The following METTL1 variants were observed in gnomAD, a reference collection of about 807,000 sequenced individuals.
METTL1 encodes tRNA (guanine-N(7)-)-methyltransferase.
In METTL1, 14 loss-of-function variants were observed where a neutral mutation model predicts 27.7. The ratio of observed to expected loss-of-function variants is 0.51; its 90% CI spans 0.33 to 0.79. The LOEUF is 0.79. METTL1 is among the 30% of genes least tolerant of loss of function. METTL1 has a pLI of 0.02. For synonymous variants in METTL1, 138 were observed against 137.0 expected (o/e 1.01, Z -0.05); for missense variants, 333 against 359.6 (o/e 0.93, Z 0.60).
Position 57,769,703 on chromosome 12 carries a change from G to A in METTL1, c.460-25C>T, listed in dbSNP as rs774201764. The A allele has an allele frequency of 3.1e-6, 5 of 1,601,748 alleles. No individual in the cohort carries two copies. The South Asian group carries it at 4.5e-5, about 14-fold the overall frequency. ...GCTGTGAGACAGACACACACCAACA[G>A]GGTTGTGAGAGCCTGGCCTCCATGC... On this transcript the variant is annotated intron_variant, in intron 3 of 5. Transcript: ENST00000324871.
In METTL1 at chr12:57,771,956, C is replaced by T. The variant is rs1393504770; in HGVS notation, c.110+18G>A. 2.0e-6 allele frequency: 3 copies of T among 1,500,768 alleles called. No individual in the cohort carries two copies. Among genetic ancestry groups the T allele is most frequent in the Non-Finnish European group, 2.7e-6 (3 of 1,130,422 alleles). 93.0% of individuals were successfully genotyped at this position (1,500,768 alleles called of 1,614,324 possible). A position where few individuals can be genotyped will look rare whatever the true frequency, so the allele number is the denominator to read the frequency against. ...TGAGAATCCCGCCCTCCTCTCTCTC[C>T]CTCTGCCCACTCCTCACTAGCGCAG... On this transcript the variant is annotated intron_variant, in intron 1 of 5. Coordinates refer to ENST00000324871, the MANE Select transcript of METTL1 (RefSeq NM_005371.6).
chr12:57,771,016 T>G (rs1277775959), intron 2 of METTL1, 78 bp downstream of exon 2: 5 of 1,512,322 alleles, frequency 3.3e-6, no homozygotes, highest in Non-Finnish European at 4.5e-6. Flanking sequence ...AGGCCAATTA[T>G]GACCCCCCAC....
Position 57,771,097 on chromosome 12 carries a change from A to C in METTL1, c.271T>G (p.Leu91Val). 1 of 1,613,258 alleles carries C rather than the reference A, an allele frequency of 6.2e-7. No individual in the cohort carries two copies. Among genetic ancestry groups the C allele is most frequent in the Non-Finnish European group, 8.5e-7 (1 of 1,179,868 alleles). ...ADIGCGYGGLLVELSPLFPDT... is the reference protein window; with the variant it reads ...ADIGCGYGGLVVELSPLFPDT... ...AAAAAGAGGGCCTGAGTGTTACCTA[A>C]CAGGCCACCATAGCCACAGCCTATG... Residue 91 changes from leucine to valine, a missense_variant, in exon 2 of 6, where the codon TTA becomes GTA. Coordinates refer to ENST00000324871, the MANE Select transcript of METTL1 (RefSeq NM_005371.6).
In METTL1 at chr12:57,769,498, A is replaced by G. The variant is rs1955401421; in HGVS notation, c.573+67T>C. 7.0e-6 allele frequency: 11 copies of G among 1,575,396 alleles called. No individual in the cohort carries two copies. The Admixed American group carries it at 1.9e-4, about 27-fold the overall frequency. ...GGTGTGAGTCCCTAAATGCACCCCC[A>G]CTGAATTCTTAGTGAAGGGCCCCTG... On this transcript the variant is annotated intron_variant, in intron 4 of 5. Transcript: ENST00000324871.
intron 1 of METTL1, 155 bp from the exon 2 acceptor site, chr12:57,771,412 G>T (rs1955429563): frequency 7.5e-6 from 11 of 1,459,300 alleles, no homozygotes; most frequent in Non-Finnish European, 9.9e-6. Flanking sequence ...CTCTAAGAGG[G>T]ACAATGGAAA....
chr12:57,771,020 C>T, intron 2 of METTL1, 74 bp downstream of exon 2: 1 of 1,525,478 alleles, frequency 6.6e-7, no homozygotes, highest in Non-Finnish European at 8.9e-7. Flanking sequence ...CAATTATGAC[C>T]CCCCACAAAA....
At chr12:57,770,090 T>A in intron 2 of METTL1, 134 bp from the exon 3 acceptor site, 3 of 881,036 alleles carry the variant, frequency 3.4e-6, no homozygotes, top group Non-Finnish European at 5.1e-6. Context: ...GATACATATA[T>A]GGATAGTTTT....
chr12:57,771,348 G>GGGGGGA, intron 1 of METTL1, 91 bp from the exon 2 acceptor site: 4 of 670,834 alleles, frequency 6.0e-6, no homozygotes, highest in Non-Finnish European at 9.9e-6. Context: ...GTGAGGGTGG[G>GGGGGGA]AGGTAAAAGG....
intron 1 of METTL1, 109 bp from the exon 2 acceptor site, chr12:57,771,366 G>T (rs1955428871): frequency 2.0e-6 from 3 of 1,485,438 alleles, no homozygotes; most frequent in Non-Finnish European, 1.8e-6. Flanking sequence ...AGGGAGGAGG[G>T]TTTCTCAAAA....
chr12:57,770,495 G>A (rs1275866626), intron 2 of METTL1, among the ~76,000 whole-genome samples: 1 of 152,188 alleles, frequency 6.6e-6, no homozygotes, highest in Admixed American at 6.5e-5. Context: ...GCCTCCCAAA[G>A]TGTTGGGATT....
At chr12:57,770,958 G>A in intron 2 of METTL1, 136 bp downstream of exon 2, 2 of 915,316 alleles carry the variant, frequency 2.2e-6, no homozygotes, top group South Asian at 1.7e-5. Context: ...TAGAGGGTAG[G>A]TGGAGCCTCT....
chr12:57,771,988 G>A lies in METTL1; in HGVS notation c.96C>T (p.Asp32=). 6.6e-7 allele frequency: 1 copy of A among 1,526,506 alleles called. No homozygotes were observed. The highest frequency in any genetic ancestry group is 8.7e-7 in the Non-Finnish European group (1 of 1,144,282). 94.6% of individuals were successfully genotyped at this position (1,526,506 alleles called of 1,614,324 possible). Residue 32 remains aspartate, a synonymous_variant, in exon 1 of 6, where the codon GAC becomes GAT. Transcript: ENST00000324871. ...CCACTCCTCACTAGCGCAGCGTGTG[G>A]TCCGCCATGGGGTTGGAGTGAGCAC... is the stretch of plus-strand genomic sequence containing the variant. The part of the protein sequence containing the change: ...RQRAHSNPMA[D]HTLRYPVKPE...
chr12:57,771,338 GTGA>G, intron 1 of METTL1, 81 bp from the exon 2 acceptor site: 2 of 1,235,102 alleles, frequency 1.6e-6, no homozygotes, highest in Non-Finnish European at 2.3e-6. Flanking sequence ...GTGTGGGTGG[GTGA>G]GGGTGGGAGG....
Position 57,771,084 on chromosome 12 carries a change from T to C in METTL1, c.274+10A>G, listed in dbSNP as rs1595124001. On this transcript the variant is annotated intron_variant, in intron 2 of 5. Transcript: ENST00000324871. ...CTCTTCTCACCCCAAAAAGAGGGCC[T>C]GAGTGTTACCTAACAGGCCACCATA... The C allele has an allele frequency of 6.2e-7, 1 of 1,612,046 alleles. No homozygotes were observed. The highest frequency in any genetic ancestry group is 2.2e-5 in the East Asian group (1 of 44,882).
rs368561501 is a variant in METTL1, at chr12:57,769,381, A to G, written c.597T>C (p.Asp199=). 3.7e-6 allele frequency: 6 copies of G among 1,614,038 alleles called. No homozygotes were observed. Among genetic ancestry groups the G allele is most frequent in the Non-Finnish European group, 5.1e-6 (6 of 1,180,036 alleles). The change falls in exon 5 of 6, where the codon GAT becomes GAC. Residue 199 remains aspartate (D), a synonymous_variant. Coordinates refer to ENST00000324871, the MANE Select transcript of METTL1 (RefSeq NM_005371.6). The stretch of plus-strand genomic sequence containing the variant: ...ACATCCAGTCGTGTAGCTCCAGCAC[A>G]TCGGTTATGGTATACACCAGCCCCT... ...RVGGLVYTIT[D]VLELHDWMCT... is the part of the protein sequence containing the mutation.
intron 1 of METTL1, chr12:57,771,474 G>A (rs1955430322): frequency 6.7e-7 from 1 of 1,498,784 alleles, no homozygotes; most frequent in African/African-American, 1.4e-5. Context: ...GCCCATAAAC[G>A]CTGACCTGCC....
At position 57,768,989 on chromosome 12, in the gene METTL1, T is replaced by C. The variant is rs1184056707; in HGVS notation, c.*7A>G. On this transcript the variant is annotated 3_prime_UTR_variant, in exon 6 of 6. Coordinates refer to ENST00000324871, the MANE Select transcript of METTL1 (RefSeq NM_005371.6). ...GAGACGAGGTCCAGCTAAGGTAGAG[T>C]AAGCAGTCAGTGACCAGGCAGGCTG... 4 of 1,594,846 alleles carry C rather than the reference T, an allele frequency of 2.5e-6. No individual in the cohort carries two copies. Among genetic ancestry groups the C allele is most frequent in the Non-Finnish European group, 2.6e-6 (3 of 1,165,428 alleles).
At position 57,769,646 on chromosome 12, in the gene METTL1, T is replaced by C. The variant is rs1028358392; in HGVS notation, c.492A>G (p.Pro164=). 2 of 1,559,704 alleles carry C rather than the reference T, an allele frequency of 1.3e-6. No homozygotes were observed. The highest frequency in any genetic ancestry group is 2.7e-5 in the African/African-American group (2 of 73,700). The change falls in exon 4 of 6, where the codon CCA becomes CCG. Residue 164 remains proline (P), a synonymous_variant. Coordinates refer to ENST00000324871, the MANE Select transcript of METTL1 (RefSeq NM_005371.6). ...LTKMFFLFPD[P]HFKRTKHKWR... The stretch of plus-strand genomic sequence containing the variant: ...ACTTGTGCTTTGTCCGCTTGAAATG[T>C]GGGTCGGGGAAGAGGAAGAACATCT...
intron 2 of METTL1, 131 bp downstream of exon 2, chr12:57,770,963 G>A (rs939745936): frequency 6.3e-6 from 6 of 948,548 alleles, no homozygotes; most frequent in Non-Finnish European, 7.8e-6. Flanking sequence ...GGTAGGTGGA[G>A]CCTCTCCATG....
Sources: allele counts gnomAD v4.1 joint callset (sites outside exome capture counted in the v4.1 genomes callset), GRCh38; gene constraint gnomAD v4.1.1; transcripts MANE v1.5; gene names NCBI Gene and HGNC (gene_info 2026-07-23, HGNC 2026-07-21).